UGP2: variants seen among roughly 807,000 people sequenced by gnomAD.
The protein encoded by UGP2 is UTP--glucose-1-phosphate uridylyltransferase.
In UGP2, 40 loss-of-function variants were observed where a neutral mutation model predicts 49.0. The ratio of observed to expected loss-of-function variants is 0.82; its 90% CI spans 0.63 to 1.06. UGP2 has a LOEUF of 1.06. Among genes scored for constraint, UGP2 ranks in the 50% least tolerant of loss-of-function variants. UGP2 has a pLI of 0.00. For synonymous variants in UGP2, 225 were observed against 213.0 expected, an observed-to-expected ratio of 1.06 and a Z score of -0.49; for missense variants, 460 against 603.5, an observed-to-expected ratio of 0.76 and a Z score of 2.49.
chr2:63,869,085 C>T (rs1670372358), intron 3 of UGP2, among the ~76,000 whole-genome samples: 1 of 151,950 alleles, frequency 6.6e-6, no homozygotes. Context: ...ATGATAAAAC[C>T]CTCCATTCAT....
At chr2:63,862,902 T>A (rs948433401) in intron 3 of UGP2, 8 of 455,216 alleles carry the variant, frequency 1.8e-5, no homozygotes, top group South Asian at 3.1e-5. Context: ...CTAAGGACTT[T>A]ACTGGAACAG....
At chr2:63,885,223 A>C (rs1261174409) in intron 5 of UGP2, among the ~76,000 whole-genome samples, 1 of 152,022 alleles carries the variant, frequency 6.6e-6, no homozygotes, top group Admixed American at 6.6e-5. Context: ...AATGGGCAGT[A>C]TTTCCCAGAT....
At chr2:63,887,279 A>ATTT in intron 7 of UGP2, 123 bp from the exon 8 acceptor site, 1 of 1,028,462 alleles carries the variant, frequency 9.7e-7, no homozygotes. Flanking sequence ...AAAAAAAAAA[A>ATTT]TTTTTTTTTT....
intron 3 of UGP2, among the ~76,000 whole-genome samples, chr2:63,877,711 C>T (rs1041585214): frequency 6.6e-6 from 1 of 151,826 alleles, no homozygotes; most frequent in Non-Finnish European, 1.5e-5. Flanking sequence ...AGTCTGCATG[C>T]GGCCGGGCGC....
intron 1 of UGP2, among the ~76,000 whole-genome samples, chr2:63,849,599 T>G (rs1668906999): frequency 6.6e-6 from 1 of 152,230 alleles, no homozygotes; most frequent in African/African-American, 2.4e-5. Flanking sequence ...TAAGAAAGTA[T>G]TATTCTAATT....
Position 63,857,282 on chromosome 2 carries a change from C to T in UGP2, c.148-547C>T, listed in dbSNP as rs535632361. Among the ~76,000 whole-genome samples, 196 of 145,836 alleles carry T rather than the reference C, an allele frequency of 1.3e-3. 8 individuals carry two copies. In the South Asian group the frequency reaches 0.04, roughly 30 times the overall value. On this transcript the variant is annotated intron_variant, in intron 2 of 9. Coordinates refer to ENST00000337130, the MANE Select transcript of UGP2 (RefSeq NM_006759.4). Reference sequence around the variant, plus strand: ...CGCCACTACACTCTAGCCTGGACAACAGAGCAAGACTCTGTCTCAAAAAAA... The same window carrying T: ...CGCCACTACACTCTAGCCTGGACAATAGAGCAAGACTCTGTCTCAAAAAAA...
chr2:63,862,916 G>A (rs568531458), intron 3 of UGP2: 1 of 454,250 alleles, frequency 2.2e-6, no homozygotes, highest in South Asian at 1.6e-5. Context: ...GGAACAGATT[G>A]TGACGTAAGC....
intron 3 of UGP2, among the ~76,000 whole-genome samples, chr2:63,873,893 G>C (rs186554624): frequency 2.4e-4 from 37 of 152,248 alleles, no homozygotes; most frequent in East Asian, 2.3e-3. Flanking sequence ...TCAGAAACTT[G>C]GGCTTCTCTG....
intron 9 of UGP2, among the ~76,000 whole-genome samples, chr2:63,890,543 TA>T (rs1234899851): frequency 6.6e-6 from 1 of 152,180 alleles, no homozygotes; most frequent in African/African-American, 2.4e-5. Flanking sequence ...ATAAAAGTAT[TA>T]AAGCTCACCA....
At chr2:63,857,706 A>G (rs1669540976) in intron 2 of UGP2, 123 bp from the exon 3 acceptor site, 10 of 1,035,254 alleles carry the variant, frequency 9.7e-6, no homozygotes, top group Middle Eastern at 2.2e-4. Flanking sequence ...TGCTCCCTCC[A>G]TGTCCTAATG....
At chr2:63,889,401 A>T (rs6546037) in intron 8 of UGP2, 1 of 152,120 alleles carries the variant, frequency 6.6e-6, no homozygotes, top group Non-Finnish European at 1.5e-5. Flanking sequence ...TTGATAGGCC[A>T]TAAGAAGGGA....
At chr2:63,875,121 A>G (rs1240397037) in intron 3 of UGP2, among the ~76,000 whole-genome samples, 1 of 152,224 alleles carries the variant, frequency 6.6e-6, no homozygotes, top group Non-Finnish European at 1.5e-5. Context: ...GAAATAGACA[A>G]TACATGAAAG....
At chr2:63,888,379 G>GTTCA (rs1251345957) in intron 8 of UGP2, 4 of 152,182 alleles carry the variant, frequency 2.6e-5, no homozygotes, top group African/African-American at 9.7e-5. Flanking sequence ...ATAAACAAGA[G>GTTCA]TTCAGTTCCT....
intron 1 of UGP2, among the ~76,000 whole-genome samples, chr2:63,847,094 T>G (rs1671985392): frequency 6.6e-6 from 1 of 152,224 alleles, no homozygotes; most frequent in African/African-American, 2.4e-5. Flanking sequence ...TGGATGATTT[T>G]CATTTGTGAA....
intron 1 of UGP2, among the ~76,000 whole-genome samples, chr2:63,845,517 G>A (rs1247703882): frequency 9.4e-6 from 1 of 106,106 alleles, no homozygotes; most frequent in Non-Finnish European, 2.1e-5. Context: ...GTGTTATTAT[G>A]TTAAAAAAAA....
At chr2:63,861,562 C>A (rs1248639821) in intron 3 of UGP2, among the ~76,000 whole-genome samples, 2 of 150,978 alleles carry the variant, frequency 1.3e-5, no homozygotes, top group East Asian at 3.9e-4. Context: ...GTGGCATCTA[C>A]CTGTAGTCCC....
At chr2:63,867,473 G>A (rs1224808181) in intron 3 of UGP2, among the ~76,000 whole-genome samples, 1 of 152,162 alleles carries the variant, frequency 6.6e-6, no homozygotes, top group Non-Finnish European at 1.5e-5. Context: ...TTTACTGTGT[G>A]CCAGGCATTT....
At chr2:63,845,190 T>C (rs1181602287) in intron 1 of UGP2, among the ~76,000 whole-genome samples, 1 of 152,176 alleles carries the variant, frequency 6.6e-6, no homozygotes, top group Non-Finnish European at 1.5e-5. Context: ...AGGTACAGAC[T>C]TAGATTTGAA....
In UGP2 at chr2:63,891,165, C is replaced by G; in HGVS notation, c.1465C>G (p.Pro489Ala). The G allele has an allele frequency of 6.2e-7, 1 of 1,613,580 alleles. No homozygotes were observed. Residue 489 changes from proline (P) to alanine (A), a missense_variant, in exon 10 of 10, where the codon CCA becomes GCA. Physicochemically the swap from Pro to Ala is conservative, Grantham distance 27 (BLOSUM62 -1). This residue lies in a region of UGP2 where 317 missense variants were observed against 473.0 expected (regional missense o/e 0.67). Transcript: ENST00000337130. ...AAATCATGGTGACAGAATTGATATC[C>G]CACCTGGAGCAGTATTAGAGAACAA... ...IANHGDRIDI[P>A]PGAVLENKIV...
Sources: gnomAD v4.1 joint callset for allele counts (sites outside exome capture counted in the v4.1 genomes callset) on GRCh38, gnomAD v4.1.1 for gene constraint, gnomAD v4.1.1 regional missense constraint, MANE v1.5 for transcripts, NCBI Gene and HGNC (gene_info 2026-07-23, HGNC 2026-07-21) for gene names.